FAM47A: variants seen among roughly 807,000 people sequenced by gnomAD.
FAM47A encodes the protein protein FAM47A.
A neutral mutation model predicts 2.6 loss-of-function variants in FAM47A; 1 was observed. The ratio of observed to expected loss-of-function variants is 0.39; its 90% CI spans 0.14 to 1.83. The LOEUF is 1.83. Among genes scored for constraint, FAM47A ranks in the 40% most tolerant of loss-of-function variants. The pLI is 0.32. For missense variants in FAM47A, 657 were observed against 673.1 expected (o/e 0.98, Z 0.26); for synonymous variants, 278 against 270.1 (o/e 1.03, Z -0.29).
chrX:34,131,293 G>A lies in FAM47A; in HGVS notation c.986C>T (p.Pro329Leu). Residue 329 changes from proline to leucine, a missense_variant, in exon 1 of 1, where the codon CCT (proline) becomes CTT (leucine). By Grantham distance (98) the Pro-to-Leu change is moderately conservative. Around this residue, in one of 3 missense-constraint regions of FAM47A, gnomAD observed 436 missense variants for 414.1 expected, o/e 1.05. Transcript: ENST00000346193. ...GAGATGGGACTCTCCAGTCTCCGGA[G>A]GCTCCGGGCGGAGACTGGACACCGG... ...KTPVSSLRPE[P>L]PETGESHLRL... 8.3e-7 allele frequency: 1 copy of A among 1,210,898 alleles called. No homozygotes were observed. Among genetic ancestry groups the A allele is most frequent in the East Asian group, 3.0e-5 (1 of 33,727 alleles).
chrX:34,132,174 G>A lies in FAM47A; in HGVS notation c.105C>T (p.His35=), dbSNP rs1922506674. The A allele has an allele frequency of 8.3e-7, 1 of 1,211,418 alleles. No individual in the cohort carries two copies. Among genetic ancestry groups the A allele is most frequent in the South Asian group, 1.8e-5 (1 of 56,961 alleles). ...CCATGGGTGGGAACCTCAGGCGCCT[G>A]TGCTTGCACTTCGCGAAGCACTTGG... ...RPSKCFAKCK[H]RRLRFPPMDT... is the part of the protein sequence containing the mutation. Residue 35 remains histidine, a synonymous_variant, in exon 1 of 1, where the codon CAC becomes CAT. Transcript: ENST00000346193.
In FAM47A at chrX:34,130,571, A is replaced by G. The variant is rs1922421679; in HGVS notation, c.1708T>C (p.Ser570Pro). Residue 570 changes from serine (S) to proline (P), a missense_variant, in exon 1 of 1, where the codon TCG (serine) becomes CCG (proline). Physicochemically the swap from Ser to Pro is moderately conservative, Grantham distance 74. Transcript: ENST00000346193. ...GATGCTCGAATCTTGGGAGGCTCCG[A>G]GAATTGATGGGACTCTGGAGCTTTG... ...PPKAPESHQF[S>P]EPPKIRASYI... 3.3e-6 allele frequency: 4 copies of G among 1,209,134 alleles called. No homozygotes were observed. The highest frequency in any genetic ancestry group is 4.5e-6 in the Non-Finnish European group (4 of 895,042).
rs1274997604 is a variant in FAM47A, at chrX:34,131,282, C to T, written c.997G>A (p.Gly333Arg). 4.1e-6 allele frequency: 5 copies of T among 1,210,044 alleles called. No individual in the cohort carries two copies. The highest frequency in any genetic ancestry group is 5.6e-6 in the Non-Finnish European group (5 of 894,842). ...SSLRPEPPET[G>R]ESHLRLEHSK... is the part of the protein sequence containing the mutation. The stretch of plus-strand genomic sequence containing the variant: ...TGCTCTAGGCGGAGATGGGACTCTC[C>T]AGTCTCCGGAGGCTCCGGGCGGAGA... Residue 333 changes from glycine (G) to arginine (R), a missense_variant, in exon 1 of 1, where the codon GGA (glycine) becomes AGA (arginine). By Grantham distance (125) the Gly-to-Arg change is moderately radical. This residue lies in a region of FAM47A where 436 missense variants were observed against 414.1 expected (regional missense o/e 1.05). Coordinates refer to ENST00000346193, the MANE Select transcript of FAM47A (RefSeq NM_203408.4).
chrX:34,130,624 C>T lies in FAM47A; in HGVS notation c.1655G>A (p.Arg552Gln), dbSNP rs910801621. ...SLRPELPKSRRVSSLHPEPPK... is the reference protein window; with the variant it reads ...SLRPELPKSRQVSSLHPEPPK... Reference sequence around the variant, plus strand: ...AGGCTCCGGGTGGAGACTGGACACCCGACGACTCTTGGGAAGCTCCGGGCG... The same window carrying T: ...AGGCTCCGGGTGGAGACTGGACACCTGACGACTCTTGGGAAGCTCCGGGCG... Residue 552 changes from arginine (R) to glutamine (Q), a missense_variant, in exon 1 of 1, where the codon CGG becomes CAG. Physicochemically the swap from Arg to Gln is conservative, Grantham distance 43 (BLOSUM62 1). Around this residue, in one of 3 missense-constraint regions of FAM47A, gnomAD observed 198 missense variants for 203.4 expected, o/e 0.97. Coordinates refer to ENST00000346193, the MANE Select transcript of FAM47A (RefSeq NM_203408.4). 6 of 1,207,406 alleles carry T rather than the reference C, an allele frequency of 5.0e-6. No individual in the cohort carries two copies. Among genetic ancestry groups the T allele is most frequent in the African/African-American group, 3.5e-5 (2 of 56,447 alleles).
Position 34,131,274 on chromosome X carries a change from G to A in FAM47A, c.1005C>T (p.Ser335=). ...LRPEPPETGE[S]HLRLEHSKTR... is the part of the protein sequence containing the mutation. The stretch of plus-strand genomic sequence containing the variant: ...TCTTGGAATGCTCTAGGCGGAGATG[G>A]GACTCTCCAGTCTCCGGAGGCTCCG... Residue 335 remains serine (S), a synonymous_variant, in exon 1 of 1, where the codon TCC becomes TCT. Coordinates refer to ENST00000346193, the MANE Select transcript of FAM47A (RefSeq NM_203408.4). 1.7e-6 allele frequency: 2 copies of A among 1,209,734 alleles called. No homozygotes were observed. Among genetic ancestry groups the A allele is most frequent in the African/African-American group, 1.7e-5 (1 of 57,202 alleles).
chrX:34,129,910 T>C lies in FAM47A; in HGVS notation c.2369A>G (p.Glu790Gly), dbSNP rs1252443322. The C allele has an allele frequency of 8.5e-7, 1 of 1,180,627 alleles. No homozygotes were observed. Among genetic ancestry groups the C allele is most frequent in the Non-Finnish European group, 1.1e-6 (1 of 879,975 alleles). The change falls in exon 1 of 1, where the codon GAA becomes GGA. Residue 790 changes from glutamate (E) to glycine (G), a missense_variant. Coordinates refer to ENST00000346193, the MANE Select transcript of FAM47A (RefSeq NM_203408.4). The part of the protein sequence containing the change: ...KYKEIVEASE[E>G]D ...TAGTAAATTGAAAACTGCCTAATCT[T>C]CTTCCGATGCCTCTACGATTTCTTT...
At position 34,129,808 on chromosome X, in the gene FAM47A, A is replaced by G; in HGVS notation, c.*95T>C. 2 of 848,337 alleles carry G rather than the reference A, an allele frequency of 2.4e-6. No individual in the cohort carries two copies. The highest frequency in any genetic ancestry group is 3.3e-6 in the Non-Finnish European group (2 of 611,918). The allele number at this position is 848,337 out of a possible 1,213,427, so 69.9% of individuals were successfully genotyped here. ...GGTATTGAATTTACAGATGTTGCCA[A>G]AGTTGTGCATCCACGGGGCCAGTCA... On this transcript the variant is annotated 3_prime_UTR_variant, in exon 1 of 1. Coordinates refer to ENST00000346193, the MANE Select transcript of FAM47A (RefSeq NM_203408.4).
rs1922442816 is a variant in FAM47A, at chrX:34,130,868, G to C, written c.1411C>G (p.Pro471Ala). Residue 471 changes from proline to alanine, a missense_variant, in exon 1 of 1, where the codon CCC becomes GCC. By Grantham distance (27) the Pro-to-Ala change is conservative. This residue lies in a region of FAM47A where 436 missense variants were observed against 414.1 expected (regional missense o/e 1.05). Coordinates refer to ENST00000346193, the MANE Select transcript of FAM47A (RefSeq NM_203408.4). ...SPCGEPCLQP[P>A]ETQVSHPHPE... is the part of the protein sequence containing the mutation. ...TGGGGATGGGACACCTGAGTCTCGG[G>C]AGGCTGCAGGCAGGGTTCCCCACAA... The C allele has an allele frequency of 8.4e-7, 1 of 1,197,254 alleles. No homozygotes were observed.
Position 34,131,317 on chromosome X carries a change from G to T in FAM47A, c.962C>A (p.Pro321Gln). Residue 321 changes from proline to glutamine, a missense_variant, in exon 1 of 1, where the codon CCG becomes CAG. By Grantham distance (76) the Pro-to-Gln change is moderately conservative (BLOSUM62 -1). Coordinates refer to ENST00000346193, the MANE Select transcript of FAM47A (RefSeq NM_203408.4). ...SHLRQEPPKTPVSSLRPEPPE... is the reference protein window; with the variant it reads ...SHLRQEPPKTQVSSLRPEPPE... ...AGGCTCCGGGCGGAGACTGGACACC[G>T]GAGTCTTGGGAGGCTCCTGGCGGAG... is the stretch of plus-strand genomic sequence containing the variant. The T allele has an allele frequency of 7.5e-6, 9 of 1,206,187 alleles. No individual in the cohort carries two copies. The highest frequency in any genetic ancestry group is 1.0e-5 in the Non-Finnish European group (9 of 893,499).
Position 34,130,088 on chromosome X carries a change from C to A in FAM47A, c.2191G>T (p.Asp731Tyr). The change falls in exon 1 of 1, where the codon GAC becomes TAC. Residue 731 changes from aspartate (D) to tyrosine (Y), a missense_variant. Coordinates refer to ENST00000346193, the MANE Select transcript of FAM47A (RefSeq NM_203408.4). ...LKKPDEPDVL[D>Y]DLYGPIAFKD... ...AAGGCAATTGGTCCATAAAGATCGTCAAGAACGTCAGGTTCATCAGGCTTT... is the reference window on the plus strand; with the variant it reads ...AAGGCAATTGGTCCATAAAGATCGTAAAGAACGTCAGGTTCATCAGGCTTT... 8.3e-7 allele frequency: 1 copy of A among 1,210,830 alleles called. No homozygotes were observed. The highest frequency in any genetic ancestry group is 1.1e-6 in the Non-Finnish European group (1 of 895,157).
chrX:34,131,748 A>G lies in FAM47A; in HGVS notation c.531T>C (p.Thr177=). ...ETQEKTTEVP[T]EPGKHPCGEF... ...CCCCACAGGGATGTTTACCAGGCTC[A>G]GTGGGTACCTCTGTTGTCTTCTCCT... is the stretch of plus-strand genomic sequence containing the variant. Residue 177 remains threonine (T), a synonymous_variant, in exon 1 of 1, where the codon ACT becomes ACC. Coordinates refer to ENST00000346193, the MANE Select transcript of FAM47A (RefSeq NM_203408.4). 1 of 1,208,064 alleles carries G rather than the reference A, an allele frequency of 8.3e-7. No homozygotes were observed.
In FAM47A at chrX:34,130,848, A is replaced by G. The variant is rs1278330912; in HGVS notation, c.1431T>C (p.His477=). The change falls in exon 1 of 1, where the codon CAT becomes CAC. Residue 477 remains histidine (H), a synonymous_variant. Transcript: ENST00000346193. ...GTGTCTTGGGATGTTCCGGGTGGGG[A>G]TGGGACACCTGAGTCTCGGGAGGCT... The part of the protein sequence containing the change: ...CLQPPETQVS[H]PHPEHPKTRR... 1.7e-6 allele frequency: 2 copies of G among 1,189,781 alleles called. No homozygotes were observed. The highest frequency in any genetic ancestry group is 2.3e-6 in the Non-Finnish European group (2 of 884,520).
chrX:34,131,547 C>T lies in FAM47A; in HGVS notation c.732G>A (p.Val244=). 3.4e-6 allele frequency: 4 copies of T among 1,182,730 alleles called. No individual in the cohort carries two copies. Among genetic ancestry groups the T allele is most frequent in the Non-Finnish European group, 2.3e-6 (2 of 872,734 alleles). The change falls in exon 1 of 1, where the codon GTG becomes GTA. Residue 244 remains valine, a synonymous_variant. Transcript: ENST00000346193. ...TGGGAGGCCCCGGGCGGATATGGGA[C>T]ACTCCAGTCTCTGGAGGCTCCGGGC... ...HLRPEPPETG[V]SHIRPGPPIT...
In FAM47A at chrX:34,130,490, C is replaced by T; in HGVS notation, c.1789G>A (p.Asp597Asn). 1 of 1,211,412 alleles carries T rather than the reference C, an allele frequency of 8.3e-7. No homozygotes were observed. The highest frequency in any genetic ancestry group is 1.1e-6 in the Non-Finnish European group (1 of 895,458). ...GATGTGTATCTATATTGAAGAGAGT[C>T]AGAAACGCACTCTTTTGTGCTTGGT... The part of the protein sequence containing the change: ...DTPSTKECVS[D>N]SLQYRYTSEK... Residue 597 changes from aspartate (D) to asparagine (N), a missense_variant, in exon 1 of 1, where the codon GAC becomes AAC. Physicochemically the swap from Asp to Asn is conservative, Grantham distance 23. Transcript: ENST00000346193.
Position 34,130,949 on chromosome X carries a change from G to A in FAM47A, c.1330C>T (p.Arg444Cys), listed in dbSNP as rs772490672. ...SGRTLKDVWD[R>C]CEARVKKTKE... ...GTTTTCTTCACCCGGGCCTCACAAC[G>A]ATCCCATACGTCCTTCAGCGTCCTC... The change falls in exon 1 of 1, where the codon CGT becomes TGT. Residue 444 changes from arginine to cysteine, a missense_variant. Physicochemically the swap from Arg to Cys is radical, Grantham distance 180 (BLOSUM62 -3). This residue lies in a region of FAM47A where 436 missense variants were observed against 414.1 expected (regional missense o/e 1.05). Coordinates refer to ENST00000346193, the MANE Select transcript of FAM47A (RefSeq NM_203408.4). The A allele has an allele frequency of 8.3e-7, 1 of 1,207,038 alleles. No homozygotes were observed. The highest frequency in any genetic ancestry group is 2.2e-5 in the Admixed American group (1 of 45,769).
At position 34,130,905 on chromosome X, in the gene FAM47A, A is replaced by G. The variant is rs1922443572; in HGVS notation, c.1374T>C (p.Pro458=). ...RVKKTKEPTE[P]HKSPCGEPCL... Reference sequence around the variant, plus strand: ...AGGGTTCCCCACAAGGGGATTTATGAGGCTCGGTGGGTTCCTTAGTTTTCT... The same window carrying G: ...AGGGTTCCCCACAAGGGGATTTATGGGGCTCGGTGGGTTCCTTAGTTTTCT... The change falls in exon 1 of 1, where the codon CCT becomes CCC. Residue 458 remains proline, a synonymous_variant. Coordinates refer to ENST00000346193, the MANE Select transcript of FAM47A (RefSeq NM_203408.4). 3.3e-6 allele frequency: 4 copies of G among 1,203,609 alleles called. No individual in the cohort carries two copies. Among genetic ancestry groups the G allele is most frequent in the East Asian group, 6.0e-5 (2 of 33,565 alleles).
At position 34,130,488 on chromosome X, in the gene FAM47A, G is replaced by A. The variant is rs1922417777; in HGVS notation, c.1791C>T (p.Asp597=). ...CCGATGTGTATCTATATTGAAGAGA[G>A]TCAGAAACGCACTCTTTTGTGCTTG... The part of the protein sequence containing the change: ...DTPSTKECVS[D]SLQYRYTSEK... The change falls in exon 1 of 1, where the codon GAC becomes GAT. Residue 597 remains aspartate (D), a synonymous_variant. Transcript: ENST00000346193. The A allele has an allele frequency of 1.7e-6, 2 of 1,209,714 alleles. No homozygotes were observed. The highest frequency in any genetic ancestry group is 1.8e-5 in the African/African-American group (1 of 57,050).
In FAM47A at chrX:34,131,702, C is replaced by T. The variant is rs763933030; in HGVS notation, c.577G>A (p.Glu193Lys). ...PCGEFCLKPPETPVSHLLPEP... is the reference protein window; with the variant it reads ...PCGEFCLKPPKTPVSHLLPEP... ...GGGAGGAGATGGGACACCGGAGTCTCGGGAGGCTTCAGGCAGAATTCCCCA... is the reference window on the plus strand; with the variant it reads ...GGGAGGAGATGGGACACCGGAGTCTTGGGAGGCTTCAGGCAGAATTCCCCA... The change falls in exon 1 of 1, where the codon GAG becomes AAG. Residue 193 changes from glutamate (E) to lysine (K), a missense_variant. Glu to Lys is a moderately conservative substitution (Grantham distance 56). This residue lies in a region of FAM47A where 436 missense variants were observed against 414.1 expected (regional missense o/e 1.05). Transcript: ENST00000346193. The T allele has an allele frequency of 4.1e-6, 5 of 1,206,156 alleles. No homozygotes were observed. Among genetic ancestry groups the T allele is most frequent in the East Asian group, 5.9e-5 (2 of 33,615 alleles).
Position 34,129,926 on chromosome X carries a change from C to G in FAM47A, c.2353G>C (p.Val785Leu). Residue 785 changes from valine (V) to leucine (L), a missense_variant, in exon 1 of 1, where the codon GTA (valine) becomes CTA (leucine). Val to Leu is a conservative substitution (Grantham distance 32). Transcript: ENST00000346193. ...GCCTAATCTTCTTCCGATGCCTCTACGATTTCTTTGTACTTGTAAAATATC... is the reference window on the plus strand; with the variant it reads ...GCCTAATCTTCTTCCGATGCCTCTAGGATTTCTTTGTACTTGTAAAATATC... ...AMIFYKYKEIVEASEED is the reference protein window; with the variant it reads ...AMIFYKYKEILEASEED 6.7e-6 allele frequency: 8 copies of G among 1,197,233 alleles called. No homozygotes were observed. The highest frequency in any genetic ancestry group is 7.9e-6 in the Non-Finnish European group (7 of 888,253).
Sources: gnomAD v4.1 joint callset for allele counts on GRCh38, gnomAD v4.1.1 for gene constraint, gnomAD v4.1.1 regional missense constraint, MANE v1.5 for transcripts, NCBI Gene and HGNC (gene_info 2026-07-23, HGNC 2026-07-21) for gene names.